The following PLCB1 variants were observed in gnomAD, a reference collection of about 807,000 sequenced individuals.
The protein encoded by PLCB1 is 1-phosphatidylinositol 4,5-bisphosphate phosphodiesterase beta-1.
PLCB1 carries 46 observed loss-of-function variants against 161.8 expected under a neutral mutation model. That is an observed-to-expected ratio of 0.28 (90% confidence interval 0.22 to 0.36). The LOEUF (loss-of-function observed/expected upper bound fraction) is 0.36, where lower values mean the gene tolerates loss of function less well. PLCB1 is among the 10% of genes least tolerant of loss of function. PLCB1 has a pLI of 1.00. For synonymous variants in PLCB1, 517 were observed against 503.7 expected, an observed-to-expected ratio of 1.03 and a Z score of -0.35; for missense variants, 1,016 against 1,472.5, an observed-to-expected ratio of 0.69 and a Z score of 5.07.
At chr20:8,637,861 T>A (rs926854348) in intron 4 of PLCB1, among the ~76,000 whole-genome samples, 5 of 152,228 alleles carry the variant, frequency 3.3e-5, no homozygotes, top group Non-Finnish European at 4.4e-5. Context: ...TAATTATGAA[T>A]GCGGAACAAG....
chr20:8,742,428 T>G (rs771071731), intron 23 of PLCB1, among the ~76,000 whole-genome samples: 16 of 152,182 alleles, frequency 1.1e-4, no homozygotes, highest in Non-Finnish European at 1.6e-4. Flanking sequence ...CTATTAAAGT[T>G]GACATTGTTA....
chr20:8,515,017 T>C (rs945388976), intron 3 of PLCB1, among the ~76,000 whole-genome samples: 2 of 152,154 alleles, frequency 1.3e-5, no homozygotes, highest in African/African-American at 4.8e-5. Flanking sequence ...TAGATTAAAG[T>C]GGACTTGGGC....
At chr20:8,656,787 T>C (rs1291357049) in intron 7 of PLCB1, among the ~76,000 whole-genome samples, 1 of 125,712 alleles carries the variant, frequency 8.0e-6, no homozygotes, top group Non-Finnish European at 1.7e-5. Context: ...AAGATTCAAG[T>C]AGGAAAAAAA....
chr20:8,678,659 C>T (rs1379873045), intron 9 of PLCB1, among the ~76,000 whole-genome samples: 1 of 152,150 alleles, frequency 6.6e-6, no homozygotes, highest in Non-Finnish European at 1.5e-5. Flanking sequence ...TTCTTAGCTC[C>T]CCTTGGTGAC....
At chr20:8,756,265 C>T (rs1291339313) in intron 23 of PLCB1, among the ~76,000 whole-genome samples, 1 of 152,146 alleles carries the variant, frequency 6.6e-6, no homozygotes, top group African/African-American at 2.4e-5. Context: ...TTATGATCCC[C>T]AGTAAACACC....
intron 3 of PLCB1, among the ~76,000 whole-genome samples, chr20:8,600,280 T>C (rs893467274): frequency 2.6e-5 from 3 of 116,128 alleles, no homozygotes; most frequent in African/African-American, 3.5e-5. Flanking sequence ...GGGTTTTTGG[T>C]GTGGATGTCC....
intron 3 of PLCB1, among the ~76,000 whole-genome samples, chr20:8,603,856 G>T (rs1987673096): frequency 6.6e-6 from 1 of 152,172 alleles, no homozygotes. Flanking sequence ...AATGGGTACA[G>T]AATTTTATTT....
chr20:8,304,868 C>G (rs556400874), intron 2 of PLCB1, among the ~76,000 whole-genome samples: 1 of 152,220 alleles, frequency 6.6e-6, no homozygotes, highest in South Asian at 2.1e-4. Flanking sequence ...TCTGAATCCA[C>G]TATTCCACAC....
chr20:8,429,150 C>T (rs546516890), intron 3 of PLCB1, among the ~76,000 whole-genome samples: 35 of 152,220 alleles, frequency 2.3e-4, no homozygotes, highest in African/African-American at 7.2e-4. Context: ...GAGAAGTGAC[C>T]CAACTACACC....
chr20:8,578,049 A>C (rs1568515308), intron 3 of PLCB1, among the ~76,000 whole-genome samples: 1 of 152,182 alleles, frequency 6.6e-6, no homozygotes, highest in Non-Finnish European at 1.5e-5. Flanking sequence ...ACTTACTAGC[A>C]ATTAACTCAT....
intron 2 of PLCB1, among the ~76,000 whole-genome samples, chr20:8,328,342 T>C (rs1341102313): frequency 6.6e-6 from 1 of 152,144 alleles, no homozygotes; most frequent in Non-Finnish European, 1.5e-5. Context: ...AATTTTCTGC[T>C]TCTGAACAGT....
chr20:8,241,563 G>A (rs1980612491), intron 2 of PLCB1, among the ~76,000 whole-genome samples: 1 of 151,888 alleles, frequency 6.6e-6, no homozygotes, highest in Non-Finnish European at 1.5e-5. Context: ...ATATTAATTA[G>A]GCACCGAGTA....
intron 3 of PLCB1, among the ~76,000 whole-genome samples, chr20:8,375,296 G>A (rs1040698059): frequency 7.9e-5 from 12 of 152,116 alleles, no homozygotes; most frequent in Non-Finnish European, 1.8e-4. Context: ...TATCTTGTCT[G>A]TGCTATGTAC....
intron 31 of PLCB1, among the ~76,000 whole-genome samples, chr20:8,869,195 T>TA (rs3884399): frequency 1.2e-4 from 18 of 150,992 alleles, no homozygotes; most frequent in African/African-American, 2.9e-4. Context: ...TCTTGATTAT[T>TA]TTTTTTTATT....
chr20:8,586,852 A>G (rs1195797072), intron 3 of PLCB1, among the ~76,000 whole-genome samples: 1 of 152,094 alleles, frequency 6.6e-6, no homozygotes, highest in Non-Finnish European at 1.5e-5. Flanking sequence ...AAAACCCAGA[A>G]CCATGGTATT....
At chr20:8,267,748 C>T (rs1982045299) in intron 2 of PLCB1, among the ~76,000 whole-genome samples, 1 of 152,104 alleles carries the variant, frequency 6.6e-6, no homozygotes, top group African/African-American at 2.4e-5. Context: ...ACAGAATTTT[C>T]TGGGGTTCAA....
intron 9 of PLCB1, among the ~76,000 whole-genome samples, chr20:8,668,611 G>A (rs371924196): frequency 2.2e-4 from 34 of 152,134 alleles, no homozygotes; most frequent in African/African-American, 7.5e-4. Flanking sequence ...GAGTGTGAAC[G>A]AGGAAGAGAA....
chr20:8,371,134 A>G (rs1986890159), intron 2 of PLCB1: 1 of 442,922 alleles, frequency 2.3e-6, no homozygotes. Flanking sequence ...AATGGCTTGT[A>G]GGATAGACTG....
intron 19 of PLCB1, among the ~76,000 whole-genome samples, chr20:8,734,268 A>C (rs983887465): frequency 1.6e-4 from 24 of 151,882 alleles, no homozygotes; most frequent in Non-Finnish European, 1.8e-4. Context: ...TCATAAGCAA[A>C]CCTCTTTTTT....
Sources: allele counts gnomAD v4.1 joint callset (sites outside exome capture counted in the v4.1 genomes callset), GRCh38; gene constraint gnomAD v4.1.1; transcripts MANE v1.5; gene names NCBI Gene and HGNC (gene_info 2026-07-23, HGNC 2026-07-21).